CATSPERD: variants seen among roughly 807,000 people sequenced by gnomAD.
The protein encoded by CATSPERD is cation channel sperm-associated auxiliary subunit delta.
CATSPERD carries 86 observed loss-of-function variants against 98.1 expected under a neutral mutation model. The observed-to-expected ratio is 0.88, with a 90% CI of 0.74 to 1.05. The LOEUF (loss-of-function observed/expected upper bound fraction) is 1.05. Among genes scored for constraint, CATSPERD ranks in the 50% least tolerant of loss-of-function variants. CATSPERD has a pLI of 0.00. For missense variants in CATSPERD, 995 were observed against 1,005.7 expected (o/e 0.99, Z 0.14); for synonymous variants, 394 against 390.2 (o/e 1.01, Z -0.12).
chr19:5,740,430 A>G (rs1168711818), intron 7 of CATSPERD, among the ~76,000 whole-genome samples: 3 of 146,532 alleles, frequency 2.0e-5, no homozygotes, highest in East Asian at 2.1e-4. Context: ...TCTACTAAAA[A>G]TACAAAATTA....
intron 13 of CATSPERD, among the ~76,000 whole-genome samples, chr19:5,754,893 G>A (rs1308953248): frequency 2.7e-5 from 4 of 148,858 alleles, no homozygotes; most frequent in Non-Finnish European, 4.5e-5. Flanking sequence ...CGCCCAGGCT[G>A]GAGTGCAATG....
chr19:5,737,389 C>T (rs562715953), intron 6 of CATSPERD, among the ~76,000 whole-genome samples, 184 bp downstream of exon 6: 70 of 150,960 alleles, frequency 4.6e-4, no homozygotes, highest in African/African-American at 1.5e-3. Flanking sequence ...AGTGAAACCC[C>T]ATCTCTACAA....
chr19:5,729,894 G>T lies in CATSPERD; in HGVS notation c.226G>T (p.Asp76Tyr). 1.9e-6 allele frequency: 3 copies of T among 1,592,808 alleles called. No individual in the cohort carries two copies. The South Asian group carries it at 3.4e-5, about 18-fold the overall frequency. ...YLGKQVFFTMDNFETSLLPFT... is the reference protein window; with the variant it reads ...YLGKQVFFTMYNFETSLLPFT... ...CAGGAAACAAGTTTTTTTCACAATG[G>T]ATAACTTTGAGACTAGTCTCCTTCC... Residue 76 changes from aspartate to tyrosine, a missense_variant, in exon 4 of 22, where the codon GAT (aspartate) becomes TAT (tyrosine). Coordinates refer to ENST00000381624, the MANE Select transcript of CATSPERD (RefSeq NM_152784.4).
intron 20 of CATSPERD, among the ~76,000 whole-genome samples, chr19:5,774,765 C>A (rs1296476224): frequency 1.3e-5 from 2 of 152,004 alleles, no homozygotes; most frequent in African/African-American, 4.8e-5. Flanking sequence ...GCCTGTAATC[C>A]CAGCACTTTG....
intron 2 of CATSPERD, among the ~76,000 whole-genome samples, chr19:5,726,507 C>G (rs1414536316): frequency 6.6e-6 from 1 of 151,980 alleles, no homozygotes; most frequent in African/African-American, 2.4e-5. Flanking sequence ...TCAGGCTCCC[C>G]AGTAGTTGGG....
At chr19:5,730,048 G>C in intron 4 of CATSPERD, 104 bp downstream of exon 4, 1 of 717,612 alleles carries the variant, frequency 1.4e-6, no homozygotes, top group Non-Finnish European at 2.3e-6. Context: ...TAGTTTAGAG[G>C]TTTATTTTAC....
At chr19:5,728,443 T>G (rs2055651972) in intron 3 of CATSPERD, among the ~76,000 whole-genome samples, 1 of 151,368 alleles carries the variant, frequency 6.6e-6, no homozygotes, top group Non-Finnish European at 1.5e-5. Flanking sequence ...TAGTCCCAGC[T>G]ACTTGGGAGG....
At chr19:5,748,346 A>C in intron 10 of CATSPERD, 91 bp downstream of exon 10, 20 of 1,196,532 alleles carry the variant, frequency 1.7e-5, no homozygotes, top group Non-Finnish European at 2.2e-5. Context: ...AAAACACGAA[A>C]TCAGCTGGGC....
intron 11 of CATSPERD, among the ~76,000 whole-genome samples, chr19:5,750,169 C>T (rs1021987072): frequency 1.8e-4 from 27 of 148,592 alleles, no homozygotes; most frequent in Non-Finnish European, 3.7e-4. Context: ...ATTATTTTGG[C>T]CGGGCGTGGT....
chr19:5,758,179 G>C (rs1198446577), intron 14 of CATSPERD, among the ~76,000 whole-genome samples: 3 of 152,106 alleles, frequency 2.0e-5, no homozygotes, highest in African/African-American at 7.2e-5. Flanking sequence ...CCGGAGATCT[G>C]AGTTAGTTGG....
intron 1 of CATSPERD, among the ~76,000 whole-genome samples, chr19:5,724,447 C>T (rs1438172145): frequency 6.6e-6 from 1 of 152,136 alleles, no homozygotes; most frequent in Non-Finnish European, 1.5e-5. Context: ...CGCCTGTAAT[C>T]CCAACACTTC....
At chr19:5,753,511 G>A (rs995523461) in intron 12 of CATSPERD, 76 of 275,552 alleles carry the variant, frequency 2.8e-4, no homozygotes, top group African/African-American at 1.6e-3. Context: ...GCAGTGAGCC[G>A]AGATTACGCC....
At chr19:5,746,436 CT>C (rs11392230) in intron 9 of CATSPERD, among the ~76,000 whole-genome samples, 3 of 149,960 alleles carry the variant, frequency 2.0e-5, no homozygotes, top group African/African-American at 7.3e-5. Context: ...ATTTCTTTCT[CT>C]TTTTTTTTTG....
Position 5,757,948 on chromosome 19 carries a change from A to G in CATSPERD, c.1368+16A>G. ...GTACAAACTGGTGAGCCGCGTCCCC[A>G]CCAAACCCTGTCGCCTGTCCCTTGA... is the stretch of plus-strand genomic sequence containing the variant. On this transcript the variant is annotated intron_variant, in intron 14 of 21. Coordinates refer to ENST00000381624, the MANE Select transcript of CATSPERD (RefSeq NM_152784.4). The G allele has an allele frequency of 1.2e-6, 2 of 1,605,940 alleles. No individual in the cohort carries two copies. The highest frequency in any genetic ancestry group is 1.7e-5 in the Admixed American group (1 of 59,288).
chr19:5,726,740 G>A (rs2055611616), intron 2 of CATSPERD, among the ~76,000 whole-genome samples: 1 of 152,066 alleles, frequency 6.6e-6, no homozygotes, highest in Non-Finnish European at 1.5e-5. Context: ...ACAGCAAGTT[G>A]CAAAAACAGT....
intron 7 of CATSPERD, among the ~76,000 whole-genome samples, chr19:5,742,392 C>T (rs903615565): frequency 3.9e-5 from 6 of 152,108 alleles, no homozygotes; most frequent in African/African-American, 1.2e-4. Context: ...TTGTTTTTAT[C>T]ACGGACATTT....
At chr19:5,766,771 C>A (rs2145844062) in intron 17 of CATSPERD, among the ~76,000 whole-genome samples, 1 of 151,364 alleles carries the variant, frequency 6.6e-6, no homozygotes, top group African/African-American at 2.4e-5. Flanking sequence ...TGACTCACTG[C>A]AACCTCCGCC....
At chr19:5,735,866 C>T (rs1357748707) in intron 5 of CATSPERD, among the ~76,000 whole-genome samples, 6 of 150,288 alleles carry the variant, frequency 4.0e-5, no homozygotes, top group African/African-American at 4.9e-5. Context: ...CTGCAAGCTC[C>T]GCCTCCTGGG....
At chr19:5,763,037 G>A (rs2056472332) in intron 15 of CATSPERD, among the ~76,000 whole-genome samples, 178 bp from the exon 16 acceptor site, 1 of 151,554 alleles carries the variant, frequency 6.6e-6, no homozygotes, top group Non-Finnish European at 1.5e-5. Context: ...TAGAGAGATG[G>A]AAGGGTGGAT....
Sources: gnomAD v4.1 joint callset for allele counts (sites outside exome capture counted in the v4.1 genomes callset) on GRCh38, gnomAD v4.1.1 for gene constraint, MANE v1.5 for transcripts, NCBI Gene and HGNC (gene_info 2026-07-23, HGNC 2026-07-21) for gene names.